ZNF423: variants seen among roughly 807,000 people sequenced by gnomAD.
The protein encoded by ZNF423 is Ebf-associated zinc finger protein.
A neutral mutation model predicts 95.8 loss-of-function variants in ZNF423; 12 were observed. The observed-to-expected ratio is 0.13, with a 90% confidence interval of 0.08 to 0.20. The LOEUF is 0.20. Among genes scored for constraint, ZNF423 ranks in the 10% least tolerant of loss-of-function variants. ZNF423 has a pLI of 1.00. For synonymous variants in ZNF423, 749 were observed against 711.9 expected (o/e 1.05, Z -0.83); for missense variants, 1,316 against 1,737.1 (o/e 0.76, Z 4.31).
At chr16:49,688,750 A>T (rs1290911747) in intron 3 of ZNF423, among the ~76,000 whole-genome samples, 1 of 152,202 alleles carries the variant, frequency 6.6e-6, no homozygotes, top group African/African-American at 2.4e-5. Context: ...AAAAAAGGAA[A>T]ACTTACAAAC....
intron 1 of ZNF423, among the ~76,000 whole-genome samples, chr16:49,828,341 A>C (rs1326110122): frequency 6.6e-6 from 1 of 152,242 alleles, no homozygotes; most frequent in Non-Finnish European, 1.5e-5. Flanking sequence ...GCTTTTAGGC[A>C]ACAGTCTGGC....
At chr16:49,721,453 G>A (rs1324093814) in intron 3 of ZNF423, among the ~76,000 whole-genome samples, 1 of 152,032 alleles carries the variant, frequency 6.6e-6, no homozygotes, top group East Asian at 1.9e-4. Flanking sequence ...GACCACACCG[G>A]GAACACATGT....
intron 4 of ZNF423, among the ~76,000 whole-genome samples, chr16:49,628,334 C>T (rs763102173): frequency 4.0e-5 from 6 of 151,238 alleles, no homozygotes; most frequent in Admixed American, 6.6e-5. Flanking sequence ...CATCTACCCA[C>T]GCATCCATCC....
intron 4 of ZNF423, among the ~76,000 whole-genome samples, chr16:49,629,138 C>G (rs1043439100): frequency 1.3e-5 from 2 of 152,180 alleles, no homozygotes; most frequent in African/African-American, 4.8e-5. Context: ...CTACTTCCCT[C>G]TTTATCATTC....
At chr16:49,706,734 C>T (rs2032364075) in intron 3 of ZNF423, among the ~76,000 whole-genome samples, 1 of 152,222 alleles carries the variant, frequency 6.6e-6, no homozygotes, top group Non-Finnish European at 1.5e-5. Flanking sequence ...CTAAACATCA[C>T]CCGAAGGTCT....
intron 3 of ZNF423, among the ~76,000 whole-genome samples, chr16:49,640,565 G>A (rs1253124403): frequency 3.3e-5 from 5 of 152,102 alleles, no homozygotes; most frequent in Admixed American, 6.5e-5. Context: ...AGCTGGGGCT[G>A]AGCCTGGTCC....
chr16:49,761,217 G>C (rs1024263123), intron 2 of ZNF423, among the ~76,000 whole-genome samples: 1 of 152,166 alleles, frequency 6.6e-6, no homozygotes, highest in African/African-American at 2.4e-5. Flanking sequence ...TAGGACTGCT[G>C]GTGGTTAAAT....
At chr16:49,534,079 A>G (rs1017296449) in intron 5 of ZNF423, among the ~76,000 whole-genome samples, 7 of 152,140 alleles carry the variant, frequency 4.6e-5, no homozygotes, top group African/African-American at 1.7e-4. Flanking sequence ...TTGAGGTTAC[A>G]TTGAGCTATG....
At chr16:49,793,385 G>A (rs967200317) in intron 1 of ZNF423, among the ~76,000 whole-genome samples, 5 of 152,148 alleles carry the variant, frequency 3.3e-5, no homozygotes, top group African/African-American at 4.8e-5. Context: ...CTGAAGACTC[G>A]CAGCTCAGAG....
chr16:49,774,833 C>T (rs1034194195), intron 2 of ZNF423, among the ~76,000 whole-genome samples: 6 of 152,062 alleles, frequency 3.9e-5, no homozygotes, highest in Non-Finnish European at 5.9e-5. Flanking sequence ...TCCAAGATTC[C>T]GGGCTTAGGG....
At chr16:49,557,489 G>A (rs1034161061) in intron 5 of ZNF423, among the ~76,000 whole-genome samples, 3 of 152,154 alleles carry the variant, frequency 2.0e-5, no homozygotes, top group Admixed American at 6.5e-5. Context: ...AGGTGGCCCT[G>A]GGGCAGTGTT....
chr16:49,627,471 T>C (rs1171456450), intron 4 of ZNF423, among the ~76,000 whole-genome samples: 3 of 132,928 alleles, frequency 2.3e-5, no homozygotes, highest in Middle Eastern at 6.9e-3. Flanking sequence ...CCATCCATCC[T>C]CCATCTACCC....
intron 7 of ZNF423, among the ~76,000 whole-genome samples, chr16:49,508,675 A>G (rs964696305): frequency 3.4e-4 from 52 of 152,144 alleles, no homozygotes; most frequent in African/African-American, 1.2e-3. Context: ...CTTCTCCCCT[A>G]TGTGAGGAGA....
intron 1 of ZNF423, among the ~76,000 whole-genome samples, chr16:49,797,078 TCCTTAGCTCAA>T (rs1478696738): frequency 6.6e-6 from 1 of 151,970 alleles, no homozygotes; most frequent in African/African-American, 2.4e-5. Flanking sequence ...TGACTGCCCC[TCCTTAGCTCAA>T]CCTTAGGGAA....
At chr16:49,530,945 C>G (rs1158548729) in intron 5 of ZNF423, among the ~76,000 whole-genome samples, 2 of 152,202 alleles carry the variant, frequency 1.3e-5, no homozygotes, top group Non-Finnish European at 2.9e-5. Context: ...GCAAGCCACC[C>G]CTGCTCCCTG....
intron 5 of ZNF423, among the ~76,000 whole-genome samples, chr16:49,613,591 G>A (rs1234640943): frequency 1.3e-5 from 2 of 152,172 alleles, no homozygotes; most frequent in Non-Finnish European, 2.9e-5. Context: ...TTTGTTAGGG[G>A]GGAAGTTGGT....
chr16:49,813,582 C>T (rs1301394743), intron 1 of ZNF423, among the ~76,000 whole-genome samples: 1 of 152,218 alleles, frequency 6.6e-6, no homozygotes, highest in Non-Finnish European at 1.5e-5. Context: ...GACAAACTCC[C>T]GCCCCATGGC....
intron 1 of ZNF423, among the ~76,000 whole-genome samples, chr16:49,839,987 C>T (rs1237012323): frequency 6.6e-6 from 1 of 152,224 alleles, no homozygotes; most frequent in African/African-American, 2.4e-5. Flanking sequence ...TGGCTCCTCA[C>T]TCAACTAGAA....
intron 3 of ZNF423, among the ~76,000 whole-genome samples, chr16:49,723,206 C>T (rs1372347711): frequency 6.6e-6 from 1 of 152,110 alleles, no homozygotes; most frequent in Non-Finnish European, 1.5e-5. Context: ...CCGCCTGCCT[C>T]GGCCTCCCAA....
Sources: allele counts gnomAD v4.1 joint callset (sites outside exome capture counted in the v4.1 genomes callset), GRCh38; gene constraint gnomAD v4.1.1; transcripts MANE v1.5; gene names NCBI Gene and HGNC (gene_info 2026-07-23, HGNC 2026-07-21).